The following ELOVL7 variants were observed in gnomAD, a reference collection of about 807,000 sequenced individuals.
ELOVL7 encodes the protein ELOVL fatty acid elongase 7, also known as very long chain fatty acid elongase 7.
A neutral mutation model predicts 35.7 loss-of-function variants in ELOVL7; 27 were observed. That is an observed-to-expected ratio of 0.76 (90% confidence interval 0.56 to 1.04). The LOEUF (loss-of-function observed/expected upper bound fraction) is 1.04, where lower values mean the gene tolerates loss of function less well. ELOVL7 is among the 50% of genes least tolerant of loss of function. The pLI is 0.00. For missense variants in ELOVL7, 327 were observed against 340.8 expected (o/e 0.96, Z 0.32); for synonymous variants, 113 against 114.6 (o/e 0.99, Z 0.09).
intron 1 of ELOVL7, among the ~76,000 whole-genome samples, chr5:60,818,431 G>A (rs2112343132): frequency 6.6e-6 from 1 of 151,496 alleles, no homozygotes; most frequent in Admixed American, 6.6e-5. Flanking sequence ...ATACTTCCTT[G>A]TATGTGCGCA....
At chr5:60,790,718 CTTAGTTT>C (rs994656884) in intron 2 of ELOVL7, among the ~76,000 whole-genome samples, 1 of 152,034 alleles carries the variant, frequency 6.6e-6, no homozygotes, top group African/African-American at 2.4e-5. Flanking sequence ...TCACAACAAC[CTTAGTTT>C]TTCAATCCCA....
chr5:60,757,431 A>T (rs1031705724), intron 8 of ELOVL7, 78 bp downstream of exon 8: 6 of 1,420,186 alleles, frequency 4.2e-6, no homozygotes, highest in Non-Finnish European at 5.8e-6. Context: ...TCTTTATTTA[A>T]CCAGTATCCT....
chr5:60,774,523 A>T (rs1742790900), intron 3 of ELOVL7, among the ~76,000 whole-genome samples: 1 of 152,208 alleles, frequency 6.6e-6, no homozygotes, highest in South Asian at 2.1e-4. Context: ...CATCTATGAC[A>T]AACCCACAGC....
intron 2 of ELOVL7, among the ~76,000 whole-genome samples, chr5:60,789,811 T>C (rs1264973736): frequency 3.3e-5 from 5 of 152,160 alleles, no homozygotes; most frequent in Admixed American, 2.0e-4. Context: ...CATGTACTGA[T>C]ATGGAAATAT....
intron 3 of ELOVL7, among the ~76,000 whole-genome samples, chr5:60,783,348 G>T (rs1743374686): frequency 6.6e-6 from 1 of 152,132 alleles, no homozygotes; most frequent in African/African-American, 2.4e-5. Context: ...GCTTAAATTA[G>T]CTCTCCCTTA....
intron 1 of ELOVL7, among the ~76,000 whole-genome samples, chr5:60,841,689 T>C (rs1747181851): frequency 6.6e-6 from 1 of 152,224 alleles, no homozygotes; most frequent in Admixed American, 6.5e-5. Context: ...TGTTAATCTG[T>C]CCATTTATGT....
chr5:60,825,503 C>T (rs755148030), intron 1 of ELOVL7, among the ~76,000 whole-genome samples: 7 of 152,154 alleles, frequency 4.6e-5, no homozygotes, highest in Non-Finnish European at 7.3e-5. Flanking sequence ...CCCAAGAATG[C>T]GCTATATTAT....
chr5:60,762,689 G>A (rs1742000189), intron 7 of ELOVL7, among the ~76,000 whole-genome samples: 1 of 152,112 alleles, frequency 6.6e-6, no homozygotes, highest in South Asian at 2.1e-4. Context: ...GGATGTGAAA[G>A]CACCTTTTCT....
intron 1 of ELOVL7, among the ~76,000 whole-genome samples, chr5:60,826,491 AC>A (rs1399346799): frequency 6.6e-6 from 1 of 152,036 alleles, no homozygotes; most frequent in Non-Finnish European, 1.5e-5. Flanking sequence ...CTCTGGGACT[AC>A]CCCTATTTAT....
At chr5:60,819,844 A>G (rs747957290) in intron 1 of ELOVL7, among the ~76,000 whole-genome samples, 17 of 152,296 alleles carry the variant, frequency 1.1e-4, no homozygotes, top group Non-Finnish European at 2.2e-4. Context: ...GACTTGGTGG[A>G]TAATTACTAT....
chr5:60,782,794 G>T (rs1042853434), intron 3 of ELOVL7, among the ~76,000 whole-genome samples: 22 of 152,244 alleles, frequency 1.4e-4, no homozygotes, highest in African/African-American at 5.3e-4. Flanking sequence ...AGGCCAGGGG[G>T]CTGGGGAAAT....
intron 3 of ELOVL7, among the ~76,000 whole-genome samples, chr5:60,785,629 A>G (rs1743528390): frequency 6.6e-6 from 1 of 152,196 alleles, no homozygotes; most frequent in Non-Finnish European, 1.5e-5. Flanking sequence ...AAAGCAATGA[A>G]AATATTAGTA....
chr5:60,785,433 T>A (rs1743517541), intron 3 of ELOVL7, among the ~76,000 whole-genome samples: 1 of 152,200 alleles, frequency 6.6e-6, no homozygotes, highest in African/African-American at 2.4e-5. Flanking sequence ...TCTACATCTA[T>A]TCAGCTCTTG....
chr5:60,803,048 T>C (rs1440470482), intron 1 of ELOVL7, among the ~76,000 whole-genome samples: 1 of 152,226 alleles, frequency 6.6e-6, no homozygotes, highest in Non-Finnish European at 1.5e-5. Flanking sequence ...TTTGTGTCTC[T>C]TTTTGGGAGC....
chr5:60,841,038 T>A (rs1293729669), intron 1 of ELOVL7, among the ~76,000 whole-genome samples: 1 of 150,824 alleles, frequency 6.6e-6, no homozygotes, highest in Non-Finnish European at 1.5e-5. Flanking sequence ...TTTTTTTTTT[T>A]TTTTTTAAGA....
intron 1 of ELOVL7, among the ~76,000 whole-genome samples, chr5:60,836,556 C>A (rs1746808894): frequency 6.6e-6 from 1 of 152,008 alleles, no homozygotes; most frequent in African/African-American, 2.4e-5. Flanking sequence ...GCACTGTCTG[C>A]CTGAAGAAGG....
At chr5:60,766,337 A>G (rs1470613839) in intron 6 of ELOVL7, among the ~76,000 whole-genome samples, 1 of 152,258 alleles carries the variant, frequency 6.6e-6, no homozygotes, top group African/African-American at 2.4e-5. Flanking sequence ...GCTATGTAAC[A>G]GAAACTTTAT....
At chr5:60,778,241 T>C (rs1469776078) in intron 3 of ELOVL7, among the ~76,000 whole-genome samples, 1 of 152,166 alleles carries the variant, frequency 6.6e-6, no homozygotes, top group Non-Finnish European at 1.5e-5. Context: ...GAAGTCTCCA[T>C]AAATAAAAGT....
In ELOVL7 at chr5:60,812,648, T is replaced by C. The variant is rs1048543175; in HGVS notation, c.-85-13418A>G. 3.9e-5 allele frequency among the ~76,000 whole-genome samples: 6 copies of C among 152,216 alleles called. No individual in the cohort carries two copies. The East Asian group carries it at 1.2e-3, about 29-fold the overall frequency. ...GTGTGACTCTTCTCAGATAATCATC[T>C]TGCTTGGTTAAAGGTTTCCTCTCTC... On this transcript the variant is annotated intron_variant, in intron 1 of 8. Transcript: ENST00000508821.
Sources: allele counts gnomAD v4.1 joint callset (sites outside exome capture counted in the v4.1 genomes callset), GRCh38; gene constraint gnomAD v4.1.1; transcripts MANE v1.5; gene names NCBI Gene and HGNC (gene_info 2026-07-23, HGNC 2026-07-21).